The following RNLS variants were observed in gnomAD, a reference collection of about 807,000 sequenced individuals.
RNLS encodes renalase, FAD dependent amine oxidase.
A neutral mutation model predicts 39.8 loss-of-function variants in RNLS; 39 were observed. That is an observed-to-expected ratio of 0.98 (90% confidence interval 0.76 to 1.28). The LOEUF is 1.28. Ranked by LOEUF, RNLS falls within the 50% of genes most tolerant of loss-of-function variation. The pLI, the probability that RNLS is intolerant of heterozygous loss-of-function variation, is 0.00. For synonymous variants in RNLS, 147 were observed against 150.7 expected (o/e 0.98, Z 0.18); for missense variants, 410 against 413.3 (o/e 0.99, Z 0.07).
intron 6 of RNLS, chr10:88,309,580 A>G: frequency 4.4e-6 from 3 of 683,440 alleles, no homozygotes; most frequent in Non-Finnish European, 6.9e-6. Flanking sequence ...AATCAGCTGG[A>G]AAAGGCCTGA....
At chr10:88,406,105 T>C (rs1033055082) in intron 4 of RNLS, among the ~76,000 whole-genome samples, 6 of 152,160 alleles carry the variant, frequency 3.9e-5, no homozygotes, top group East Asian at 1.9e-4. Flanking sequence ...GTTAATCTGA[T>C]AGGTTTTCCT....
the RNLS span, among the ~76,000 whole-genome samples, chr10:88,268,038 G>A: frequency 1.2e-4 from 19 of 152,152 alleles, no homozygotes; most frequent in Non-Finnish European, 2.2e-4. Flanking sequence ...GAAGGTATTC[G>A]AGACAACACT....
chr10:88,403,812 A>G (rs2133657405), intron 4 of RNLS, among the ~76,000 whole-genome samples: 1 of 151,888 alleles, frequency 6.6e-6, no homozygotes, highest in South Asian at 2.1e-4. Flanking sequence ...ATGCAGGAGG[A>G]TCACTTGAGC....
chr10:88,257,562 G>A, the RNLS span, among the ~76,000 whole-genome samples: 1 of 152,122 alleles, frequency 6.6e-6, no homozygotes, highest in African/African-American at 2.4e-5. Context: ...ATGACAACTG[G>A]GAACAAACCA....
At chr10:88,517,298 T>C (rs775853455) in intron 4 of RNLS, among the ~76,000 whole-genome samples, 4 of 151,952 alleles carry the variant, frequency 2.6e-5, no homozygotes, top group Non-Finnish European at 5.9e-5. Flanking sequence ...CAACTTTTCA[T>C]TTTTTACCAC....
the RNLS span, among the ~76,000 whole-genome samples, chr10:88,241,840 T>A: frequency 6.7e-6 from 1 of 148,738 alleles, no homozygotes; most frequent in South Asian, 2.1e-4. Flanking sequence ...TTATACAGAC[T>A]TTTTTGTTGT....
At chr10:88,304,912 T>C (rs1481648893) in intron 6 of RNLS, among the ~76,000 whole-genome samples, 1 of 151,648 alleles carries the variant, frequency 6.6e-6, no homozygotes, top group East Asian at 1.9e-4. Context: ...AAGGTCAAAA[T>C]GAAAAAAATA....
chr10:88,568,081 C>G (rs1352711398), intron 4 of RNLS, among the ~76,000 whole-genome samples: 1 of 152,154 alleles, frequency 6.6e-6, no homozygotes, highest in Non-Finnish European at 1.5e-5. Context: ...GGGCCAGGGT[C>G]AGTGAGCCAT....
At chr10:88,381,611 GT>G (rs1246204453) in intron 4 of RNLS, among the ~76,000 whole-genome samples, 4 of 151,666 alleles carry the variant, frequency 2.6e-5, no homozygotes, top group Non-Finnish European at 5.9e-5. Context: ...GTAGATGACC[GT>G]CCCTTTGAAT....
the RNLS span, among the ~76,000 whole-genome samples, chr10:88,206,424 G>A: frequency 6.6e-6 from 1 of 152,128 alleles, no homozygotes; most frequent in South Asian, 2.1e-4. Context: ...CTCTTTCAGT[G>A]TATTAAAAAT....
rs144252027 is a variant in RNLS at position 88,276,230 on chromosome 10, T to G, written c.877-1198A>C. ...TTTATTATAAATTGTTGTATATGTA[T>G]TTTTCTTAACTGGTCTGTAATCTTT... On this transcript the variant is annotated intron_variant, in intron 6 of 6. Transcript: ENST00000371947. Among the ~76,000 whole-genome samples the G allele has an allele frequency of 7.0e-3, 1,069 of 152,284 alleles. 9 individuals carry two copies. Among genetic ancestry groups the G allele is most frequent in the African/African-American group, 0.024 (1,012 of 41,564 alleles).
At chr10:88,356,463 A>G (rs74906561) in intron 5 of RNLS, among the ~76,000 whole-genome samples, 138 of 152,372 alleles carry the variant, frequency 9.1e-4, no homozygotes, top group African/African-American at 3.1e-3. Flanking sequence ...ACAAGGTGAC[A>G]GGATTTAAAG....
At chr10:88,310,572 C>T (rs913398911) in intron 6 of RNLS, among the ~76,000 whole-genome samples, 1 of 151,974 alleles carries the variant, frequency 6.6e-6, no homozygotes, top group African/African-American at 2.4e-5. Flanking sequence ...AGGAGGATCA[C>T]TTCAGGCCAG....
At chr10:88,275,596 A>G (rs922598592) in intron 6 of RNLS, among the ~76,000 whole-genome samples, 4 of 152,206 alleles carry the variant, frequency 2.6e-5, no homozygotes, top group East Asian at 1.9e-4. Flanking sequence ...AAATATATCT[A>G]TGTATATCGA....
At chr10:88,349,539 G>T (rs1431376819) in intron 5 of RNLS, among the ~76,000 whole-genome samples, 1 of 152,120 alleles carries the variant, frequency 6.6e-6, no homozygotes, top group African/African-American at 2.4e-5. Flanking sequence ...CTGGCCTCAG[G>T]CAATCCTCCT....
intron 4 of RNLS, among the ~76,000 whole-genome samples, chr10:88,537,928 T>TGCAG (rs2134269901): frequency 6.6e-6 from 1 of 152,318 alleles, no homozygotes; most frequent in East Asian, 1.9e-4. Flanking sequence ...ATGATAAGTT[T>TGCAG]GCAGGCAATT....
chr10:88,501,907 T>G (rs1408135390), intron 4 of RNLS, among the ~76,000 whole-genome samples: 1 of 152,172 alleles, frequency 6.6e-6, no homozygotes, highest in South Asian at 2.1e-4. Context: ...TGAGACCTGG[T>G]ATAATAATAT....
intron 4 of RNLS, among the ~76,000 whole-genome samples, chr10:88,457,711 A>G (rs1842710835): frequency 6.6e-6 from 1 of 152,218 alleles, no homozygotes; most frequent in African/African-American, 2.4e-5. Context: ...AGAACGTTTA[A>G]TCCTTCCAAA....
intron 3 of RNLS, among the ~76,000 whole-genome samples, chr10:88,578,094 T>A (rs1850316016): frequency 6.6e-6 from 1 of 152,156 alleles, no homozygotes; most frequent in African/African-American, 2.4e-5. Flanking sequence ...TTCATTCAAG[T>A]ACAATATTTT....
Sources: gnomAD v4.1 joint callset for allele counts (sites outside exome capture counted in the v4.1 genomes callset) on GRCh38, gnomAD v4.1.1 for gene constraint, MANE v1.5 for transcripts, NCBI Gene and HGNC (gene_info 2026-07-23, HGNC 2026-07-21) for gene names.